The following XRCC4 variants were observed in gnomAD, a reference collection of about 807,000 sequenced individuals.
XRCC4 encodes the protein DNA repair protein XRCC4.
XRCC4 carries 28 observed loss-of-function variants against 39.1 expected under a neutral mutation model. The ratio of observed to expected loss-of-function variants is 0.72; its 90% CI spans 0.53 to 0.98. The LOEUF (loss-of-function observed/expected upper bound fraction) is 0.98, where lower values mean the gene tolerates loss of function less well. Ranked by LOEUF, XRCC4 falls within the 50% of genes least tolerant of loss-of-function variation. The pLI, the probability that XRCC4 is intolerant of heterozygous loss-of-function variation, is 0.00. For synonymous variants in XRCC4, 123 were observed against 126.4 expected (o/e 0.97, Z 0.18); for missense variants, 350 against 376.4 (o/e 0.93, Z 0.58).
In XRCC4 at chr5:83,311,861, TATC is replaced by T. The variant is rs1561469297; in HGVS notation, c.894-41268_894-41266del. Reference sequence around the variant, plus strand: ...GCTATTTATTAAATATTCAATATAATATCAATAATTCATATAGCCTTTTAATAT... The same window carrying T: ...GCTATTTATTAAATATTCAATATAATAATAATTCATATAGCCTTTTAATAT... On this transcript the variant is annotated intron_variant, in intron 7 of 7. Transcript: ENST00000396027. Among the ~76,000 whole-genome samples, 17 of 152,184 alleles carry T rather than the reference TATC, an allele frequency of 1.1e-4. No homozygotes were observed. In the South Asian group the frequency reaches 3.3e-3, roughly 30 times the overall value.
intron 6 of XRCC4, among the ~76,000 whole-genome samples, chr5:83,249,237 T>C (rs1225833185): frequency 6.6e-6 from 1 of 152,192 alleles, no homozygotes; most frequent in Non-Finnish European, 1.5e-5. Flanking sequence ...TCTTCTAAAG[T>C]ATTTTATTAA....
Position 83,259,048 on chromosome 5 carries a change from G to A in XRCC4, c.893+371G>A, listed in dbSNP as rs183265810. The A allele has an allele frequency of 2.0e-3, 369 of 185,174 alleles. 2 individuals carry two copies. Among genetic ancestry groups the A allele is most frequent in the African/African-American group, 8.5e-3 (354 of 41,458 alleles). The allele number at this position is 185,174 out of a possible 1,614,324, so 11.5% of individuals were successfully genotyped here. On this transcript the variant is annotated intron_variant, in intron 7 of 7. Transcript: ENST00000396027. ...CAAATTAGCCATTTAATTTGGTTAT[G>A]CTTGGCATTTTTTTTCAAGTAAAAT... is the stretch of plus-strand genomic sequence containing the variant.
chr5:83,094,715 G>A (rs79574236), intron 1 of XRCC4, among the ~76,000 whole-genome samples: 1,693 of 148,462 alleles, frequency 0.011, 33 homozygotes, highest in African/African-American at 0.039. Flanking sequence ...GTTTCACTCT[G>A]TCTCCCAGGC....
intron 6 of XRCC4, among the ~76,000 whole-genome samples, chr5:83,247,086 T>A (rs1753131566): frequency 6.6e-6 from 1 of 152,232 alleles, no homozygotes; most frequent in Admixed American, 6.5e-5. Flanking sequence ...GCTGATTGCC[T>A]GCAATTCTGC....
chr5:83,181,292 T>C (rs980015740), intron 3 of XRCC4, among the ~76,000 whole-genome samples: 3 of 152,130 alleles, frequency 2.0e-5, no homozygotes, highest in African/African-American at 7.2e-5. Flanking sequence ...TTATTATGAC[T>C]CTTTAAATAT....
chr5:83,104,735 T>C (rs1292942402), intron 1 of XRCC4, among the ~76,000 whole-genome samples, 175 bp from the exon 2 acceptor site: 1 of 152,234 alleles, frequency 6.6e-6, no homozygotes, highest in Non-Finnish European at 1.5e-5. Flanking sequence ...ATTTACTGAA[T>C]GTATTATTTA....
intron 1 of XRCC4, among the ~76,000 whole-genome samples, chr5:83,097,747 C>T (rs1326827765): frequency 6.6e-6 from 1 of 152,098 alleles, no homozygotes; most frequent in Admixed American, 6.5e-5. Flanking sequence ...CTCTTCTCTT[C>T]AGTTCTGTTA....
chr5:83,151,428 A>ATT (rs1158725518), intron 3 of XRCC4, among the ~76,000 whole-genome samples: 1 of 152,194 alleles, frequency 6.6e-6, no homozygotes, highest in Non-Finnish European at 1.5e-5. Flanking sequence ...ATCAGAAGAA[A>ATT]TTATGTTTTC....
intron 7 of XRCC4, among the ~76,000 whole-genome samples, chr5:83,321,806 C>A (rs1253753038): frequency 6.6e-6 from 1 of 151,718 alleles, no homozygotes; most frequent in African/African-American, 2.4e-5. Flanking sequence ...TATCTATGAT[C>A]AAAATGCAAA....
intron 3 of XRCC4, among the ~76,000 whole-genome samples, chr5:83,157,740 A>C (rs1427910334): frequency 6.6e-6 from 1 of 152,100 alleles, no homozygotes; most frequent in African/African-American, 2.4e-5. Flanking sequence ...AAGTAAAATT[A>C]AAATAAAAAG....
chr5:83,104,914 TAAG>T lies in XRCC4; in HGVS notation c.-3_-1del. ...AATTGTATTCTCCCATTACAGGTAT[TAAG>T]AAATGGAGAGAAAAATAAGCAGAAT... is the stretch of plus-strand genomic sequence containing the variant. On this transcript the variant is annotated 5_prime_UTR_variant, in exon 2 of 8. Transcript: ENST00000396027. 1 of 1,612,032 alleles carries T rather than the reference TAAG, an allele frequency of 6.2e-7. No individual in the cohort carries two copies. The highest frequency in any genetic ancestry group is 8.5e-7 in the Non-Finnish European group (1 of 1,178,502).
intron 6 of XRCC4, among the ~76,000 whole-genome samples, chr5:83,210,568 C>T (rs1464631093): frequency 5.3e-5 from 8 of 152,124 alleles, no homozygotes; most frequent in Non-Finnish European, 1.2e-4. Flanking sequence ...TAATTAACCA[C>T]ATTAGCACGT....
At chr5:83,194,055 C>T (rs1402940267) in intron 3 of XRCC4, among the ~76,000 whole-genome samples, 1 of 152,172 alleles carries the variant, frequency 6.6e-6, no homozygotes, top group Non-Finnish European at 1.5e-5. Flanking sequence ...GCCTCAGCCT[C>T]CTGAGTAGCT....
At chr5:83,242,085 T>TA (rs1472505808) in intron 6 of XRCC4, among the ~76,000 whole-genome samples, 7 of 12,592 alleles carry the variant, frequency 5.6e-4, no homozygotes, top group South Asian at 0.014. Flanking sequence ...TAACTTTTAT[T>TA]TAAAAAAAAA....
chr5:83,346,510 G>A (rs1429059279), intron 7 of XRCC4, among the ~76,000 whole-genome samples: 1 of 152,156 alleles, frequency 6.6e-6, no homozygotes, highest in East Asian at 1.9e-4. Flanking sequence ...AACAAATTAT[G>A]TCATTTAGGT....
At chr5:83,279,892 T>G (rs188507385) in intron 7 of XRCC4, 1 of 156,946 alleles carries the variant, frequency 6.4e-6, no homozygotes, top group Non-Finnish European at 1.5e-5. Context: ...TACAAGTAGG[T>G]GACACCAGTT....
chr5:83,205,913 G>A (rs1457207932), intron 6 of XRCC4, among the ~76,000 whole-genome samples: 2 of 151,776 alleles, frequency 1.3e-5, no homozygotes, highest in Non-Finnish European at 2.9e-5. Flanking sequence ...ATGCCAAACA[G>A]AAAACAAAAA....
intron 1 of XRCC4, among the ~76,000 whole-genome samples, chr5:83,099,585 A>G (rs1264692259): frequency 6.6e-6 from 1 of 152,230 alleles, no homozygotes; most frequent in Non-Finnish European, 1.5e-5. Flanking sequence ...AGAGAGGCCA[A>G]GTATCAAAGA....
the XRCC4 span, among the ~76,000 whole-genome samples, chr5:83,369,269 A>G: frequency 6.6e-6 from 1 of 152,170 alleles, no homozygotes; most frequent in African/African-American, 2.4e-5. Flanking sequence ...TTATCATAGA[A>G]TCAGAGGGCG....
Sources: allele counts gnomAD v4.1 joint callset (sites outside exome capture counted in the v4.1 genomes callset), GRCh38; gene constraint gnomAD v4.1.1; transcripts MANE v1.5; gene names NCBI Gene and HGNC (gene_info 2026-07-23, HGNC 2026-07-21).